DOCK1: variants seen among roughly 807,000 people sequenced by gnomAD.
The protein encoded by DOCK1 is dedicator of cytokinesis 1, also known as dedicator of cytokinesis protein 1.
A neutral mutation model predicts 262.7 loss-of-function variants in DOCK1; 138 were observed. The ratio of observed to expected loss-of-function variants is 0.53; its 90% confidence interval spans 0.46 to 0.61. The LOEUF (loss-of-function observed/expected upper bound fraction) is 0.61, where lower values mean the gene tolerates loss of function less well. Among genes scored for constraint, DOCK1 ranks in the 20% least tolerant of loss-of-function variants. The pLI is 0.00. For missense variants in DOCK1, 1,908 were observed against 2,370.7 expected (o/e 0.80, Z 4.05); for synonymous variants, 866 against 867.4 (o/e 1.00, Z 0.03).
chr10:127,319,421 A>T (rs1030715515), intron 29 of DOCK1, among the ~76,000 whole-genome samples: 1 of 152,236 alleles, frequency 6.6e-6, no homozygotes, highest in African/African-American at 2.4e-5. Context: ...CTTAACTTGC[A>T]TGTGTTCGGC....
At position 127,368,823 on chromosome 10, in the gene DOCK1, C is replaced by A. The variant is rs543030141; in HGVS notation, c.3433-4958C>A. Among the ~76,000 whole-genome samples the A allele has an allele frequency of 2.0e-5, 3 of 152,306 alleles. No homozygotes were observed. In the South Asian group the frequency reaches 6.2e-4, roughly 32 times the overall value. Reference sequence around the variant, plus strand: ...AAAAAGCATACTTTTAAATTCCCTCCTGGCATCTTTTTAAAGAATTCCATT... The same window carrying A: ...AAAAAGCATACTTTTAAATTCCCTCATGGCATCTTTTTAAAGAATTCCATT... On this transcript the variant is annotated intron_variant, in intron 33 of 51. Coordinates refer to ENST00000623213, the MANE Select transcript of DOCK1 (RefSeq NM_001290223.2).
intron 46 of DOCK1, among the ~76,000 whole-genome samples, chr10:127,420,841 CA>C (rs375607791): frequency 2.4e-4 from 34 of 143,740 alleles, no homozygotes; most frequent in African/African-American, 5.1e-4. Flanking sequence ...GTCTAAAAAA[CA>C]AAAAAAAAAG....
intron 38 of DOCK1, 49 bp from the exon 39 acceptor site, chr10:127,403,006 C>A: frequency 6.6e-7 from 1 of 1,518,526 alleles, no homozygotes; most frequent in African/African-American, 1.4e-5. Context: ...TGACTCTTTG[C>A]ACAATTCAGG....
intron 23 of DOCK1, among the ~76,000 whole-genome samples, chr10:127,094,685 T>C (rs2047797560): frequency 6.6e-6 from 1 of 152,220 alleles, no homozygotes. Flanking sequence ...CCCACTTCTG[T>C]TCCCGAAGGG....
intron 27 of DOCK1, among the ~76,000 whole-genome samples, chr10:127,191,223 T>C (rs1214705020): frequency 2.0e-5 from 3 of 152,128 alleles, no homozygotes; most frequent in African/African-American, 7.2e-5. Context: ...CCTATCCTGA[T>C]TCTACCTGGG....
At chr10:127,312,548 G>T (rs1334313305) in intron 29 of DOCK1, among the ~76,000 whole-genome samples, 1 of 152,134 alleles carries the variant, frequency 6.6e-6, no homozygotes, top group Non-Finnish European at 1.5e-5. Context: ...ATTTTAGGTT[G>T]GTGACTGGTG....
chr10:126,954,301 G>T (rs1036442818), intron 1 of DOCK1, among the ~76,000 whole-genome samples: 178 of 152,358 alleles, frequency 1.2e-3, no homozygotes, highest in African/African-American at 4.0e-3. Flanking sequence ...GCCTTCTTGG[G>T]AATCACAGCC....
rs555749674 is a variant in DOCK1, at chr10:126,907,716, C to T, written c.46+2153C>T. ...AAAAGAATGTTCGTAGATGGGAGAACGGGGTCTCCTTGCTGGGGAGGAGGC... is the reference window on the plus strand; with the variant it reads ...AAAAGAATGTTCGTAGATGGGAGAATGGGGTCTCCTTGCTGGGGAGGAGGC... On this transcript the variant is annotated intron_variant, in intron 1 of 51. Coordinates refer to ENST00000623213, the MANE Select transcript of DOCK1 (RefSeq NM_001290223.2). Among the ~76,000 whole-genome samples the T allele has an allele frequency of 9.2e-5, 14 of 152,056 alleles. No individual in the cohort carries two copies. In the East Asian group the frequency reaches 1.4e-3, roughly 15 times the overall value.
chr10:127,129,616 C>A (rs1453446869), intron 27 of DOCK1, among the ~76,000 whole-genome samples: 2 of 152,218 alleles, frequency 1.3e-5, no homozygotes, highest in East Asian at 3.9e-4. Flanking sequence ...CCAGCGTTGA[C>A]CCCTGACGTC....
At chr10:127,220,544 C>T (rs1273961158) in intron 27 of DOCK1, among the ~76,000 whole-genome samples, 2 of 151,926 alleles carry the variant, frequency 1.3e-5, no homozygotes, top group Non-Finnish European at 2.9e-5. Flanking sequence ...ATCTGAAATT[C>T]CAATTTTACT....
At chr10:127,187,779 AAAGCAAGC>A (rs142757297) in intron 27 of DOCK1, among the ~76,000 whole-genome samples, 3 of 151,726 alleles carry the variant, frequency 2.0e-5, no homozygotes, top group Non-Finnish European at 2.9e-5. Flanking sequence ...AAGAGAGAGA[AAAGCAAGC>A]AAGCAAGCAA....
At chr10:126,929,817 A>G (rs1453362722) in intron 1 of DOCK1, among the ~76,000 whole-genome samples, 1 of 152,186 alleles carries the variant, frequency 6.6e-6, no homozygotes, top group African/African-American at 2.4e-5. Context: ...AATGAAGGTG[A>G]GAGTCACATA....
intron 27 of DOCK1, among the ~76,000 whole-genome samples, chr10:127,128,618 CT>C (rs2050122196): frequency 6.6e-6 from 1 of 152,138 alleles, no homozygotes; most frequent in South Asian, 2.1e-4. Flanking sequence ...TCACCTCCCA[CT>C]TATGAGTGAG....
intron 14 of DOCK1, among the ~76,000 whole-genome samples, chr10:127,023,568 A>G (rs1591704905): frequency 7.7e-5 from 8 of 103,262 alleles, no homozygotes; most frequent in Middle Eastern, 8.3e-3. Context: ...TTTGAGATGG[A>G]GTCTAGCTCT....
At chr10:127,240,402 C>T (rs2498939) in intron 27 of DOCK1, among the ~76,000 whole-genome samples, 5,457 of 151,120 alleles carry the variant, frequency 0.036, 159 homozygotes, top group Non-Finnish European at 0.057. Context: ...ATGAATTCAT[C>T]TTTAAATGAA....
intron 27 of DOCK1, among the ~76,000 whole-genome samples, chr10:127,203,482 G>A (rs1008889226): frequency 1.3e-5 from 2 of 152,130 alleles, no homozygotes; most frequent in Non-Finnish European, 2.9e-5. Flanking sequence ...CGTGGCTCAT[G>A]GGTGATGTGA....
At chr10:127,247,973 G>T in intron 27 of DOCK1, 35 bp from the exon 28 acceptor site, 1 of 1,600,078 alleles carries the variant, frequency 6.2e-7, no homozygotes, top group Non-Finnish European at 8.6e-7. Context: ...GTGTTGCTCT[G>T]TCTCATCTAA....
chr10:127,198,815 A>G, intron 27 of DOCK1, among the ~76,000 whole-genome samples: 1 of 151,802 alleles, frequency 6.6e-6, no homozygotes, highest in East Asian at 1.9e-4. Context: ...CAGCATCACA[A>G]ATCAAAATAT....
chr10:127,450,597 A>T (rs762059725), intron 51 of DOCK1, among the ~76,000 whole-genome samples: 3 of 152,170 alleles, frequency 2.0e-5, no homozygotes, highest in Non-Finnish European at 2.9e-5. Flanking sequence ...GGTGTGTGTG[A>T]TGGGCATGAG....
Sources: allele counts gnomAD v4.1 joint callset (sites outside exome capture counted in the v4.1 genomes callset), GRCh38; gene constraint gnomAD v4.1.1; transcripts MANE v1.5; gene names NCBI Gene and HGNC (gene_info 2026-07-23, HGNC 2026-07-21).